COX7B2: variants seen among roughly 807,000 people sequenced by gnomAD.
The protein encoded by COX7B2 is cytochrome c oxidase subunit 7B2, mitochondrial.
For synonymous variants in COX7B2, 37 were observed against 32.1 expected, an observed-to-expected ratio of 1.15 and a Z score of -0.51; for missense variants, 109 against 95.9, an observed-to-expected ratio of 1.14 and a Z score of -0.57.
intron 2 of COX7B2, among the ~76,000 whole-genome samples, chr4:46,821,239 G>A (rs970063458): frequency 7.2e-5 from 11 of 152,180 alleles, no homozygotes; most frequent in African/African-American, 2.7e-4. Flanking sequence ...ACGCACCAGA[G>A]AGAATTCAGT....
At chr4:46,835,575 G>GA (rs1272283475) in intron 2 of COX7B2, among the ~76,000 whole-genome samples, 2 of 152,152 alleles carry the variant, frequency 1.3e-5, no homozygotes, top group East Asian at 3.9e-4. Context: ...GTTTTCAATG[G>GA]AAAAAACTGC....
intron 2 of COX7B2, among the ~76,000 whole-genome samples, chr4:46,755,715 C>G (rs1409528222): frequency 2.0e-5 from 3 of 151,726 alleles, no homozygotes; most frequent in African/African-American, 7.3e-5. Flanking sequence ...TCCCATTTAA[C>G]ATGATACAAA....
At chr4:46,824,011 C>A (rs558716253) in intron 2 of COX7B2, among the ~76,000 whole-genome samples, 7 of 151,960 alleles carry the variant, frequency 4.6e-5, no homozygotes, top group Non-Finnish European at 8.8e-5. Flanking sequence ...GTGAAATTTA[C>A]CACATCCTTA....
chr4:46,779,740 A>T (rs1717341770), intron 2 of COX7B2, among the ~76,000 whole-genome samples: 1 of 152,126 alleles, frequency 6.6e-6, no homozygotes, highest in Non-Finnish European at 1.5e-5. Context: ...AATCTAAAAA[A>T]TCAAACTAAA....
intron 2 of COX7B2, among the ~76,000 whole-genome samples, chr4:46,742,774 C>A (rs989818965): frequency 3.3e-5 from 5 of 151,858 alleles, no homozygotes; most frequent in African/African-American, 9.7e-5. Context: ...TCCTCAAATG[C>A]CATATGTTGC....
chr4:46,799,506 T>A (rs1190154805), intron 2 of COX7B2, among the ~76,000 whole-genome samples: 1 of 152,210 alleles, frequency 6.6e-6, no homozygotes, highest in Non-Finnish European at 1.5e-5. Context: ...CACAGATAGC[T>A]CTTATTATTT....
intron 2 of COX7B2, among the ~76,000 whole-genome samples, chr4:46,765,880 A>G (rs1716504029): frequency 6.6e-6 from 1 of 152,106 alleles, no homozygotes; most frequent in Admixed American, 6.6e-5. Flanking sequence ...TCCCAGTTCC[A>G]GGCTGACTCT....
chr4:46,884,676 T>G (rs772968339), intron 1 of COX7B2, among the ~76,000 whole-genome samples: 3 of 152,222 alleles, frequency 2.0e-5, no homozygotes, highest in Non-Finnish European at 2.9e-5. Flanking sequence ...TCCCTTTTTA[T>G]TTTCTTTGGC....
At chr4:46,833,592 A>G (rs772017136) in intron 2 of COX7B2, among the ~76,000 whole-genome samples, 3 of 152,232 alleles carry the variant, frequency 2.0e-5, no homozygotes, top group Non-Finnish European at 2.9e-5. Flanking sequence ...GAGTGTTTTA[A>G]GAGAGCAGAG....
chr4:46,874,514 C>A (rs1207648021), intron 1 of COX7B2, among the ~76,000 whole-genome samples: 1 of 152,168 alleles, frequency 6.6e-6, no homozygotes, highest in Non-Finnish European at 1.5e-5. Context: ...TATTCCATTT[C>A]TGTAACTACC....
chr4:46,796,127 A>G (rs1272343970), intron 2 of COX7B2, among the ~76,000 whole-genome samples: 38 of 122,890 alleles, frequency 3.1e-4, no homozygotes, highest in Non-Finnish European at 5.8e-4. Flanking sequence ...TTCTAGATAA[A>G]CAATCATGTC....
chr4:46,880,864 G>A, intron 1 of COX7B2, among the ~76,000 whole-genome samples: 1 of 122,008 alleles, frequency 8.2e-6, no homozygotes, highest in Non-Finnish European at 1.7e-5. Context: ...GAGGGGGGAG[G>A]GATAGCATTG....
intron 2 of COX7B2, among the ~76,000 whole-genome samples, chr4:46,774,446 AT>A (rs1158243235): frequency 6.6e-6 from 1 of 152,062 alleles, no homozygotes; most frequent in East Asian, 1.9e-4. Context: ...GAAGATTTCC[AT>A]TCTAAATATT....
chr4:46,900,118 C>T (rs1719994765), intron 1 of COX7B2, among the ~76,000 whole-genome samples: 1 of 152,052 alleles, frequency 6.6e-6, no homozygotes, highest in African/African-American at 2.4e-5. Context: ...CTTAGCTCTC[C>T]CAAAATCAAA....
At chr4:46,773,073 C>T (rs183722129) in intron 2 of COX7B2, among the ~76,000 whole-genome samples, 1 of 152,206 alleles carries the variant, frequency 6.6e-6, no homozygotes, top group East Asian at 1.9e-4. Context: ...TATACATATT[C>T]TCTGTTCTTT....
At chr4:46,906,231 CTATT>C (rs1720387585) in intron 1 of COX7B2, among the ~76,000 whole-genome samples, 1 of 152,158 alleles carries the variant, frequency 6.6e-6, no homozygotes, top group Non-Finnish European at 1.5e-5. Flanking sequence ...CCTCTCTCAT[CTATT>C]TATTTCAGCT....
intron 2 of COX7B2, among the ~76,000 whole-genome samples, chr4:46,767,217 G>A (rs138607189): frequency 2.3e-4 from 35 of 152,250 alleles, no homozygotes; most frequent in African/African-American, 7.5e-4. Context: ...ATATACAGCT[G>A]TATCAGACAA....
chr4:46,830,051 C>T (rs1041322441), intron 2 of COX7B2, among the ~76,000 whole-genome samples: 3 of 152,000 alleles, frequency 2.0e-5, no homozygotes, highest in South Asian at 2.1e-4. Context: ...AGAGGCCGGG[C>T]GCGGTGGCTC....
chr4:46,808,154 A>G lies in COX7B2; in HGVS notation c.-50+36806T>C, dbSNP rs550315962. On this transcript the variant is annotated intron_variant, in intron 2 of 2. Coordinates refer to ENST00000355591, the MANE Select transcript of COX7B2 (RefSeq NM_130902.3). ...ACAATATTAACTCTTCTTATCCATGATAACAAGGTACATTTCTATTTATTT... is the reference window on the plus strand; with the variant it reads ...ACAATATTAACTCTTCTTATCCATGGTAACAAGGTACATTTCTATTTATTT... Among the ~76,000 whole-genome samples, 7 of 152,022 alleles carry G rather than the reference A, an allele frequency of 4.6e-5. No individual in the cohort carries two copies. The South Asian group carries it at 1.4e-3, about 31-fold the overall frequency.
Sources: gnomAD v4.1 joint callset for allele counts (sites outside exome capture counted in the v4.1 genomes callset) on GRCh38, gnomAD v4.1.1 for gene constraint, MANE v1.5 for transcripts, NCBI Gene and HGNC (gene_info 2026-07-23, HGNC 2026-07-21) for gene names.